Variants in THSD4 observed in about 807,000 individuals in gnomAD.
THSD4 encodes thrombospondin type 1 domain containing 4.
In THSD4, 69 loss-of-function variants were observed where a neutral mutation model predicts 119.0. The ratio of observed to expected loss-of-function variants is 0.58; its 90% CI spans 0.48 to 0.71. The LOEUF (loss-of-function observed/expected upper bound fraction) is 0.71, where lower values mean the gene tolerates loss of function less well. Among genes scored for constraint, THSD4 ranks in the 30% least tolerant of loss-of-function variants. THSD4 has a pLI of 0.00. For missense variants in THSD4, 1,393 were observed against 1,391.1 expected (o/e 1.00, Z -0.02); for synonymous variants, 524 against 540.4 (o/e 0.97, Z 0.42).
chr15:71,323,722 G>A (rs1312648702), intron 6 of THSD4, among the ~76,000 whole-genome samples: 3 of 152,132 alleles, frequency 2.0e-5, no homozygotes, highest in African/African-American at 4.8e-5. Context: ...CCAGAGTAAT[G>A]CAATGATCTG....
chr15:71,370,238 T>C (rs1186778189), intron 6 of THSD4, among the ~76,000 whole-genome samples: 1 of 152,206 alleles, frequency 6.6e-6, no homozygotes, highest in African/African-American at 2.4e-5. Flanking sequence ...AACCAGCTCC[T>C]GGATTCATTG....
At chr15:71,495,337 C>A (rs574950879) in intron 7 of THSD4, among the ~76,000 whole-genome samples, 2 of 152,246 alleles carry the variant, frequency 1.3e-5, no homozygotes, top group African/African-American at 4.8e-5. Context: ...AGAAGAAAGC[C>A]CGCAAGTAGA....
rs527898298 is a variant in THSD4, at chr15:71,279,305, GC to G, written c.1015+22592del. Reference sequence around the variant, plus strand: ...AATAGCTTTGGCCCGTGTCCAGTGAGCCTGTAGATATTGGCGGCTTTGCGTG... The same window carrying G: ...AATAGCTTTGGCCCGTGTCCAGTGAGCTGTAGATATTGGCGGCTTTGCGTG... On this transcript the variant is annotated intron_variant, in intron 6 of 17. Transcript: ENST00000261862. Among the ~76,000 whole-genome samples the G allele has an allele frequency of 4.6e-3, 698 of 152,300 alleles. 10 individuals carry two copies. The highest frequency in any genetic ancestry group is 0.015 in the African/African-American group (605 of 41,566).
At chr15:71,599,919 C>T (rs1435952808) in intron 7 of THSD4, among the ~76,000 whole-genome samples, 4 of 152,224 alleles carry the variant, frequency 2.6e-5, no homozygotes, top group Admixed American at 6.5e-5. Context: ...CAAATCTTCT[C>T]ACCAAGAGAC....
intron 6 of THSD4, among the ~76,000 whole-genome samples, chr15:71,293,577 G>T (rs929349279): frequency 6.6e-6 from 1 of 152,092 alleles, no homozygotes; most frequent in Admixed American, 6.5e-5. Flanking sequence ...GCCTCCGAGG[G>T]CTGGGCTACT....
intron 6 of THSD4, among the ~76,000 whole-genome samples, chr15:71,339,099 C>T (rs994002980): frequency 6.6e-6 from 1 of 152,198 alleles, no homozygotes; most frequent in South Asian, 2.1e-4. Context: ...CTCACCTACC[C>T]TGAGATCTTT....
chr15:71,431,748 A>G (rs951301213), intron 7 of THSD4, among the ~76,000 whole-genome samples: 8 of 152,204 alleles, frequency 5.3e-5, no homozygotes, highest in East Asian at 3.8e-4. Flanking sequence ...CTTGTATACC[A>G]TAGGGGAAAG....
chr15:71,643,468 C>T lies in THSD4; in HGVS notation c.1153-17062C>T, dbSNP rs146906153. On this transcript the variant is annotated intron_variant, in intron 7 of 17. Coordinates refer to ENST00000261862, the MANE Select transcript of THSD4 (RefSeq NM_024817.3). ...TGCTCCTCTCCTTTCTCCCACCCTC[C>T]ATCCTCAAGTAGGCCCCAGTGTGTG... 4.3e-3 allele frequency among the ~76,000 whole-genome samples: 658 copies of T among 152,252 alleles called. 5 individuals are homozygous for T. Among genetic ancestry groups the T allele is most frequent in the African/African-American group, 0.015 (637 of 41,544 alleles).
At chr15:71,556,924 T>G (rs944513803) in intron 7 of THSD4, among the ~76,000 whole-genome samples, 1 of 152,160 alleles carries the variant, frequency 6.6e-6, no homozygotes, top group African/African-American at 2.4e-5. Flanking sequence ...TCCAAATTCT[T>G]GTATATCTAA....
At chr15:71,323,320 A>G (rs1206483368) in intron 6 of THSD4, among the ~76,000 whole-genome samples, 3 of 152,188 alleles carry the variant, frequency 2.0e-5, no homozygotes, top group Admixed American at 2.0e-4. Flanking sequence ...CATGAAGAGA[A>G]CATAGAAATC....
At chr15:71,459,053 T>C (rs1349471785) in intron 7 of THSD4, among the ~76,000 whole-genome samples, 1 of 152,146 alleles carries the variant, frequency 6.6e-6, no homozygotes, top group Non-Finnish European at 1.5e-5. Context: ...GGGAATTATA[T>C]TTTAGGGACC....
chr15:71,639,306 G>T (rs981004573), intron 7 of THSD4, among the ~76,000 whole-genome samples: 1 of 152,120 alleles, frequency 6.6e-6, no homozygotes, highest in East Asian at 1.9e-4. Context: ...CTTGCATGGG[G>T]GCTGGATTTC....
intron 8 of THSD4, among the ~76,000 whole-genome samples, chr15:71,702,593 C>A (rs1296812344): frequency 1.3e-5 from 2 of 152,322 alleles, no homozygotes; most frequent in South Asian, 2.1e-4. Context: ...GTAACCCACA[C>A]ACCTCCAGAA....
At chr15:71,744,033 C>T (rs2053285512) in intron 11 of THSD4, among the ~76,000 whole-genome samples, 1 of 152,064 alleles carries the variant, frequency 6.6e-6, no homozygotes, top group African/African-American at 2.4e-5. Context: ...GAAGCATCTT[C>T]CCGTGGTTGG....
Position 71,153,655 on chromosome 15 carries a change from G to A in THSD4, c.30-1208G>A, listed in dbSNP as rs116176300. Among the ~76,000 whole-genome samples the A allele has an allele frequency of 3.3e-3, 510 of 152,260 alleles. 3 individuals carry two copies. Among genetic ancestry groups the A allele is most frequent in the African/African-American group, 0.012 (505 of 41,550 alleles). ...CTAACTCCACAAGACCTAACCCCCGGCTTCGGGCAGGTTTTCCTCATCTCC... is the reference window on the plus strand; with the variant it reads ...CTAACTCCACAAGACCTAACCCCCGACTTCGGGCAGGTTTTCCTCATCTCC... On this transcript the variant is annotated intron_variant, in intron 2 of 17. Coordinates refer to ENST00000261862, the MANE Select transcript of THSD4 (RefSeq NM_024817.3).
intron 6 of THSD4, among the ~76,000 whole-genome samples, chr15:71,384,042 AAATTACT>A (rs1226968468): frequency 1.3e-5 from 2 of 152,188 alleles, no homozygotes; most frequent in Non-Finnish European, 2.9e-5. Flanking sequence ...TTCTTAGCTA[AAATTACT>A]AATTCAGGGC....
upstream of THSD4, chr15:71,112,068 C>T: frequency 1.2e-6 from 2 of 1,603,044 alleles, no homozygotes; most frequent in Non-Finnish European, 1.7e-6. Flanking sequence ...GCTCTTATTC[C>T]AGTTCCACAT....
chr15:71,157,963 T>G (rs992179689), intron 3 of THSD4, among the ~76,000 whole-genome samples: 1 of 152,098 alleles, frequency 6.6e-6, no homozygotes, highest in Non-Finnish European at 1.5e-5. Context: ...CAGATGTTTC[T>G]TGAACATTCT....
At chr15:71,155,051 C>A (rs542376265) in intron 3 of THSD4, 119 bp downstream of exon 3, 3 of 913,842 alleles carry the variant, frequency 3.3e-6, no homozygotes. Context: ...AAAGGAAGCA[C>A]CATTTACAGA....
Sources: allele counts gnomAD v4.1 joint callset (sites outside exome capture counted in the v4.1 genomes callset), GRCh38; gene constraint gnomAD v4.1.1; transcripts MANE v1.5; gene names NCBI Gene and HGNC (gene_info 2026-07-23, HGNC 2026-07-21).